NDOR1: variants seen among roughly 807,000 people sequenced by gnomAD.
The protein encoded by NDOR1 is NADPH dependent diflavin oxidoreductase 1, also known as NADPH-dependent diflavin oxidoreductase 1.
In NDOR1, 61 loss-of-function variants were observed where a neutral mutation model predicts 67.2. The ratio of observed to expected loss-of-function variants is 0.91; its 90% confidence interval spans 0.74 to 1.12. The LOEUF (loss-of-function observed/expected upper bound fraction) is 1.12. Among genes scored for constraint, NDOR1 ranks in the 50% most tolerant of loss-of-function variants. The pLI, the probability that NDOR1 is intolerant of heterozygous loss-of-function variation, is 0.00. For missense variants in NDOR1, 878 were observed against 802.8 expected, an observed-to-expected ratio of 1.09 and a Z score of -1.13; for synonymous variants, 378 against 343.7, an observed-to-expected ratio of 1.10 and a Z score of -1.10.
At position 137,208,160 on chromosome 9, in the gene NDOR1, A is replaced by C. The variant is rs1424617624; in HGVS notation, c.213+1851A>C. ...GACTCTGTCAAAAAAAAAAAAAAAA[A>C]GAAAAAGAGCCGGGCACTGTGGCTC... On this transcript the variant is annotated intron_variant, in intron 2 of 13. Coordinates refer to ENST00000684003, the MANE Select transcript of NDOR1 (RefSeq NM_014434.4). Among the ~76,000 whole-genome samples, 3 of 141,984 alleles carry C rather than the reference A, an allele frequency of 2.1e-5. No homozygotes were observed. The East Asian group carries it at 6.4e-4, about 30-fold the overall frequency. 93.1% of individuals were successfully genotyped at this position (141,984 alleles called of 152,430 possible).
chr9:137,217,895 C>G lies in NDOR1; in HGVS notation c.*1479C>G, dbSNP rs1352682689. On this transcript the variant is annotated 3_prime_UTR_variant, in exon 14 of 14. Coordinates refer to ENST00000684003, the MANE Select transcript of NDOR1 (RefSeq NM_014434.4). ...TGGGTCCTCTCTGGGCCCTGAGTGC[C>G]TGGACCCTCTGTGCCAAGCACCAGC... The G allele has an allele frequency of 2.5e-6, 1 of 398,248 alleles. No individual in the cohort carries two copies. Among genetic ancestry groups the G allele is most frequent in the Non-Finnish European group, 4.4e-6 (1 of 226,122 alleles). The allele number at this position is 398,248 out of a possible 1,614,324, so 24.7% of individuals were successfully genotyped here.
At chr9:137,208,472 A>G (rs1835088799) in intron 2 of NDOR1, among the ~76,000 whole-genome samples, 1 of 151,568 alleles carries the variant, frequency 6.6e-6, no homozygotes, top group South Asian at 2.1e-4. Flanking sequence ...AAAGACAAAA[A>G]ACAAAACAAA....
At position 137,214,417 on chromosome 9, in the gene NDOR1, G is replaced by A; in HGVS notation, c.722+4G>A. On this transcript the variant is annotated splice_donor_region_variant and intron_variant, in intron 6 of 13. Transcript: ENST00000684003. ...ACATCTTGGGCTCTGGCATCAGGTG[G>A]GGACTGCTGGGGACCGAGGAGGGCA... 1 of 1,613,636 alleles carries A rather than the reference G, an allele frequency of 6.2e-7. No individual in the cohort carries two copies.
At position 137,216,703 on chromosome 9, in the gene NDOR1, G is replaced by A. The variant is rs1177721285; in HGVS notation, c.*287G>A. On this transcript the variant is annotated 3_prime_UTR_variant, in exon 14 of 14. Transcript: ENST00000684003. ...CTTCCCAGTCAAGGTGGTGGCCTGG[G>A]CCGCTCCACCTCACCGGTGCAGTGA... is the stretch of plus-strand genomic sequence containing the variant. 6.2e-6 allele frequency: 3 copies of A among 483,406 alleles called. No homozygotes were observed. Among genetic ancestry groups the A allele is most frequent in the Non-Finnish European group, 1.1e-5 (3 of 264,872 alleles). 29.9% of individuals were successfully genotyped at this position (483,406 alleles called of 1,614,324 possible). A position where few individuals can be genotyped will look rare whatever the true frequency, so the allele number is the denominator to read the frequency against.
rs370203133 is a variant in NDOR1, at chr9:137,216,113, A to C, written c.1574A>C (p.Gln525Pro). 2.5e-5 allele frequency: 41 copies of C among 1,613,422 alleles called. No individual in the cohort carries two copies. Among genetic ancestry groups the C allele is most frequent in the Non-Finnish European group, 3.1e-5 (37 of 1,180,010 alleles). Residue 525 changes from glutamine to proline, a missense_variant, in exon 13 of 14, where the codon CAG (glutamine) becomes CCG (proline). Gln to Pro is a moderately conservative substitution (Grantham distance 76, BLOSUM62 -1). Transcript: ENST00000684003. ...SREQEQKVYVQHRLRELGSLV... is the reference protein window; with the variant it reads ...SREQEQKVYVPHRLRELGSLV... ...CTACAGGAGCAGAAAGTATATGTGC[A>C]GCACCGGCTCCGGGAGCTGGGGTCG... is the stretch of plus-strand genomic sequence containing the variant.
intron 3 of NDOR1, among the ~76,000 whole-genome samples, chr9:137,213,008 T>C (rs955095757): frequency 2.6e-5 from 4 of 152,022 alleles, no homozygotes; most frequent in Non-Finnish European, 4.4e-5. Context: ...AAGCAAGGAG[T>C]GGCATGTTCA....
Position 137,211,363 on chromosome 9 carries a change from G to A in NDOR1, c.214-1139G>A, listed in dbSNP as rs188734985. On this transcript the variant is annotated intron_variant, in intron 2 of 13. Coordinates refer to ENST00000684003, the MANE Select transcript of NDOR1 (RefSeq NM_014434.4). ...TGCTGAGAATGAAAGGGCTACCCCC[G>A]GGGCATGTCACTGTGGGTTTAGCCT... Among the ~76,000 whole-genome samples, 88 of 152,256 alleles carry A rather than the reference G, an allele frequency of 5.8e-4. 1 individual carries two copies. In the East Asian group the frequency reaches 0.012, roughly 21 times the overall value.
chr9:137,208,724 T>C (rs890303082), intron 2 of NDOR1, among the ~76,000 whole-genome samples: 11 of 151,416 alleles, frequency 7.3e-5, no homozygotes, highest in African/African-American at 2.4e-4. Flanking sequence ...CTCCAGAGGC[T>C]GAGGCGGGAG....
At position 137,212,634 on chromosome 9, in the gene NDOR1, A is replaced by AGCCAGCTCCCGAGCACAGCCGCACTCCT. The variant is rs753277131; in HGVS notation, c.311+36_311+37insCCAGCTCCCGAGCACAGCCGCACTCCTG. On this transcript the variant is annotated intron_variant, in intron 3 of 13. Transcript: ENST00000684003. This position sits in a 1 kb window ranked among gnomAD's most constrained non-coding sequence, Gnocchi z 4.3. ...GGATGGGACAGTGGGCGGACGGAAC[A>AGCCAGCTCCCGAGCACAGCCGCACTCCT]GTTCTGGGGGTCGAGCAACAGGTGT... is the stretch of plus-strand genomic sequence containing the variant. The AGCCAGCTCCCGAGCACAGCCGCACTCCT allele has an allele frequency of 1.3e-6, 2 of 1,577,348 alleles. No homozygotes were observed. Among genetic ancestry groups the AGCCAGCTCCCGAGCACAGCCGCACTCCT allele is most frequent in the East Asian group, 4.5e-5 (2 of 44,674 alleles).
chr9:137,205,764 C>T lies in NDOR1; in HGVS notation c.-14C>T. ...TAGTTTTTAGTCTCAGACCAGACCA[C>T]CGGGCGCACCCCGATGCCGAGCCCG... On this transcript the variant is annotated 5_prime_UTR_variant, in exon 1 of 14. Transcript: ENST00000684003. The T allele has an allele frequency of 2.5e-6, 4 of 1,602,516 alleles. No homozygotes were observed. The highest frequency in any genetic ancestry group is 2.2e-5 in the East Asian group (1 of 44,866).
At chr9:137,211,909 G>C (rs34499319) in intron 2 of NDOR1, among the ~76,000 whole-genome samples, 1 of 152,102 alleles carries the variant, frequency 6.6e-6, no homozygotes, top group South Asian at 2.1e-4. Context: ...GGAGGACACC[G>C]TGGAAGGCAC....
At position 137,212,836 on chromosome 9, in the gene NDOR1, G is replaced by A. The variant is rs934377608; in HGVS notation, c.311+237G>A. The stretch of plus-strand genomic sequence containing the variant: ...AGGGCTGGGCTCCAGCCACGCTGAC[G>A]TCACACAGGCCTACCTGGCGCCGGT... On this transcript the variant is annotated intron_variant, in intron 3 of 13. Transcript: ENST00000684003. The surrounding 1 kb of genome is among the most constrained non-coding windows in gnomAD (Gnocchi z 4.3). 55 of 533,642 alleles carry A rather than the reference G, an allele frequency of 1.0e-4. No homozygotes were observed. The highest frequency in any genetic ancestry group is 2.9e-4 in the Admixed American group (9 of 31,230). The allele number at this position is 533,642 out of a possible 1,614,324, so 33.1% of individuals were successfully genotyped here.
chr9:137,215,399 C>A lies in NDOR1; in HGVS notation c.1174-8C>A. 1 of 1,610,862 alleles carries A rather than the reference C, an allele frequency of 6.2e-7. No homozygotes were observed. Among genetic ancestry groups the A allele is most frequent in the Non-Finnish European group, 8.5e-7 (1 of 1,177,632 alleles). On this transcript the variant is annotated splice_polypyrimidine_tract_variant and splice_region_variant and intron_variant, in intron 9 of 13. Transcript: ENST00000684003. ...GTTCCACCACCCCCACCCCGCCGTCCTCCCCAGACTCACCCCTCACGGCTG... is the reference window on the plus strand; with the variant it reads ...GTTCCACCACCCCCACCCCGCCGTCATCCCCAGACTCACCCCTCACGGCTG...
Position 137,212,531 on chromosome 9 carries a change from C to A in NDOR1, c.243C>A (p.Asn81Lys). 1 of 1,614,124 alleles carries A rather than the reference C, an allele frequency of 6.2e-7. No individual in the cohort carries two copies. Among genetic ancestry groups the A allele is most frequent in the South Asian group, 1.1e-5 (1 of 91,086 alleles). The change falls in exon 3 of 14, where the codon AAC (asparagine) becomes AAA (lysine). Residue 81 changes from asparagine (N) to lysine (K), a missense_variant. Physicochemically the swap from Asn to Lys is moderately conservative, Grantham distance 94 (BLOSUM62 0). Coordinates refer to ENST00000684003, the MANE Select transcript of NDOR1 (RefSeq NM_014434.4). The surrounding 1 kb of genome is among the most constrained non-coding windows in gnomAD (Gnocchi z 4.3). ...KNFWRFIFRK[N>K]LPSTALCQMD... ...TCTGGAGGTTTATATTCCGGAAGAA[C>A]CTGCCCTCCACTGCCCTCTGTCAGA...
Position 137,216,206 on chromosome 9 carries a change from C to G in NDOR1, c.1649+18C>G. 6.2e-7 allele frequency: 1 copy of G among 1,613,216 alleles called. No homozygotes were observed. The highest frequency in any genetic ancestry group is 8.5e-7 in the Non-Finnish European group (1 of 1,179,978). ...CTGGCAGGGTGAGCTGGCCTGCGTG[C>G]AGCAGGAGTGGGCCCAGCCCCTGAG... On this transcript the variant is annotated intron_variant, in intron 13 of 13. Coordinates refer to ENST00000684003, the MANE Select transcript of NDOR1 (RefSeq NM_014434.4).
Position 137,212,862 on chromosome 9 carries a change from C to T in NDOR1, c.311+263C>T. On this transcript the variant is annotated intron_variant, in intron 3 of 13. Transcript: ENST00000684003. This position sits in a 1 kb window ranked among gnomAD's most constrained non-coding sequence, Gnocchi z 4.3. ...TCACACAGGCCTACCTGGCGCCGGT[C>T]CCCACTTTTACAAAAAGGCGTGCTG... The T allele has an allele frequency of 2.1e-6, 1 of 479,840 alleles. No homozygotes were observed. The highest frequency in any genetic ancestry group is 2.7e-5 in the South Asian group (1 of 37,272). 29.7% of individuals were successfully genotyped at this position (479,840 alleles called of 1,614,324 possible). A position where few individuals can be genotyped will look rare whatever the true frequency, so the allele number is the denominator to read the frequency against.
chr9:137,212,873 C>T lies in NDOR1; in HGVS notation c.311+274C>T, dbSNP rs181741830. ...TACCTGGCGCCGGTCCCCACTTTTA[C>T]AAAAAGGCGTGCTGTGAAGTGTTGA... On this transcript the variant is annotated intron_variant, in intron 3 of 13. Coordinates refer to ENST00000684003, the MANE Select transcript of NDOR1 (RefSeq NM_014434.4). This position sits in a 1 kb window ranked among gnomAD's most constrained non-coding sequence, Gnocchi z 4.3. The T allele has an allele frequency of 5.0e-4, 236 of 470,820 alleles. 1 individual carries two copies. Among genetic ancestry groups the T allele is most frequent in the African/African-American group, 4.4e-3 (224 of 51,408 alleles). The allele number at this position is 470,820 out of a possible 1,614,324, so 29.2% of individuals were successfully genotyped here.
chr9:137,206,036 T>G, intron 1 of NDOR1, 124 bp downstream of exon 1: 1 of 1,481,316 alleles, frequency 6.8e-7, no homozygotes, highest in Non-Finnish European at 9.0e-7. Flanking sequence ...ATGGCGGATT[T>G]AGGGAAGGAG....
rs1835442502 is a variant in NDOR1 at position 137,214,620 on chromosome 9, A to G, written c.773A>G (p.His258Arg). The change falls in exon 7 of 14, where the codon CAT (histidine) becomes CGT (arginine). Residue 258 changes from histidine (H) to arginine (R), a missense_variant. His to Arg is a conservative substitution (Grantham distance 29). Transcript: ENST00000684003. ...ATTCAGCCCTCCAACTCGGCTGCCC[A>G]TGTCCAGCGGTTCTGCCAGGTGCTG... ...VLIQPSNSAA[H>R]VQRFCQVLGL... is the part of the protein sequence containing the mutation. 6.2e-7 allele frequency: 1 copy of G among 1,610,326 alleles called. No homozygotes were observed. Among genetic ancestry groups the G allele is most frequent in the East Asian group, 2.2e-5 (1 of 44,876 alleles).
Sources: gnomAD v4.1 joint callset for allele counts (sites outside exome capture counted in the v4.1 genomes callset) on GRCh38, gnomAD v4.1.1 for gene constraint, Gnocchi (gnomAD v3.1) non-coding constraint, MANE v1.5 for transcripts, NCBI Gene and HGNC (gene_info 2026-07-23, HGNC 2026-07-21) for gene names.